The following UNC5C variants were observed in gnomAD, a reference collection of about 807,000 sequenced individuals.
The protein encoded by UNC5C is netrin receptor UNC5C.
Under a neutral mutation model 99.8 loss-of-function variants are expected in UNC5C, and 47 were observed. The ratio of observed to expected loss-of-function variants is 0.47; its 90% CI spans 0.37 to 0.60. The LOEUF (loss-of-function observed/expected upper bound fraction) is 0.60. UNC5C is among the 20% of genes least tolerant of loss of function. The probability of loss-of-function intolerance (pLI) is 0.00; values close to 1 mark genes in which losing one functional copy is unlikely to be tolerated. For missense variants in UNC5C, 1,062 were observed against 1,165.9 expected (o/e 0.91, Z 1.30); for synonymous variants, 487 against 452.2 (o/e 1.08, Z -0.98).
At chr4:95,272,757 T>C (rs756409226) in intron 4 of UNC5C, among the ~76,000 whole-genome samples, 1 of 152,226 alleles carries the variant, frequency 6.6e-6, no homozygotes, top group Non-Finnish European at 1.5e-5. Context: ...GGGTAATTAC[T>C]GGGCACTGAA....
chr4:95,503,478 T>C (rs895414371), intron 1 of UNC5C, among the ~76,000 whole-genome samples: 5 of 152,176 alleles, frequency 3.3e-5, no homozygotes, highest in Non-Finnish European at 5.9e-5. Context: ...CATTAATAAG[T>C]TGGCTTTTAT....
At chr4:95,252,033 A>C (rs1398922955) in intron 4 of UNC5C, among the ~76,000 whole-genome samples, 1 of 152,214 alleles carries the variant, frequency 6.6e-6, no homozygotes, top group East Asian at 1.9e-4. Context: ...TATTTACAAC[A>C]GTGGGTGTTT....
intron 1 of UNC5C, among the ~76,000 whole-genome samples, chr4:95,455,208 A>ACC (rs1361883432): frequency 1.3e-5 from 2 of 152,102 alleles, no homozygotes; most frequent in African/African-American, 4.8e-5. Context: ...TATCTTTCAA[A>ACC]CATTGTAGAA....
At chr4:95,379,661 T>TTCTTTCACTG (rs1745004081) in intron 1 of UNC5C, among the ~76,000 whole-genome samples, 1 of 152,216 alleles carries the variant, frequency 6.6e-6, no homozygotes, top group Non-Finnish European at 1.5e-5. Flanking sequence ...TCAAATGGGC[T>TTCTTTCACTG]ATTATTTTCA....
intron 1 of UNC5C, among the ~76,000 whole-genome samples, chr4:95,454,078 T>C (rs1359175423): frequency 6.6e-6 from 1 of 152,080 alleles, no homozygotes; most frequent in African/African-American, 2.4e-5. Context: ...CAAAACTAGA[T>C]GGGGTGGTAG....
intron 2 of UNC5C, among the ~76,000 whole-genome samples, chr4:95,321,886 C>A (rs1036899731): frequency 6.6e-6 from 1 of 152,150 alleles, no homozygotes; most frequent in African/African-American, 2.4e-5. Context: ...TATCAATTTT[C>A]TATTTTTATT....
At chr4:95,311,528 T>C (rs1052653975) in intron 2 of UNC5C, among the ~76,000 whole-genome samples, 3 of 152,182 alleles carry the variant, frequency 2.0e-5, no homozygotes, top group Non-Finnish European at 1.5e-5. Context: ...CAGGCATTCA[T>C]GAGTAGTTTT....
chr4:95,516,702 G>A (rs1056762325), intron 1 of UNC5C, among the ~76,000 whole-genome samples: 4 of 152,092 alleles, frequency 2.6e-5, no homozygotes, highest in Non-Finnish European at 5.9e-5. Flanking sequence ...CATGGCTCTT[G>A]TAATCAAAGT....
chr4:95,218,402 C>G (rs887173447), intron 9 of UNC5C, among the ~76,000 whole-genome samples: 1 of 152,086 alleles, frequency 6.6e-6, no homozygotes, highest in Non-Finnish European at 1.5e-5. Context: ...CAAAAGCACA[C>G]CTGATGAATC....
At chr4:95,328,552 A>G (rs1429626659) in intron 2 of UNC5C, among the ~76,000 whole-genome samples, 2 of 142,148 alleles carry the variant, frequency 1.4e-5, no homozygotes, top group Non-Finnish European at 3.1e-5. Context: ...TTATAGCAGC[A>G]TGATTTATAG....
At chr4:95,471,852 C>A (rs78116594) in intron 1 of UNC5C, among the ~76,000 whole-genome samples, 2 of 151,322 alleles carry the variant, frequency 1.3e-5, no homozygotes, top group South Asian at 2.1e-4. Flanking sequence ...AGTCTGATTT[C>A]TTTTCTCTTT....
intron 1 of UNC5C, among the ~76,000 whole-genome samples, chr4:95,360,518 T>A (rs1346243534): frequency 2.6e-5 from 4 of 152,154 alleles, no homozygotes; most frequent in Admixed American, 2.6e-4. Flanking sequence ...AGGGAAAGGA[T>A]TCCAAGTTAA....
At chr4:95,196,562 A>C (rs990464882) in intron 12 of UNC5C, among the ~76,000 whole-genome samples, 11 of 151,364 alleles carry the variant, frequency 7.3e-5, no homozygotes, top group Non-Finnish European at 1.5e-4. Flanking sequence ...CACAGCTTTT[A>C]AGTTTCAGGT....
At chr4:95,219,884 T>G in intron 8 of UNC5C, 101 bp downstream of exon 8, 6 of 1,291,746 alleles carry the variant, frequency 4.6e-6, no homozygotes, top group Non-Finnish European at 6.4e-6. Context: ...GCTGTCTTCA[T>G]GGAGCTTACA....
At chr4:95,340,757 G>A (rs2149423622) in intron 1 of UNC5C, among the ~76,000 whole-genome samples, 1 of 152,000 alleles carries the variant, frequency 6.6e-6, no homozygotes. Flanking sequence ...ACTTAACTCT[G>A]AAAAGGGGGC....
chr4:95,257,434 C>A (rs2149384998), intron 4 of UNC5C, among the ~76,000 whole-genome samples: 1 of 151,430 alleles, frequency 6.6e-6, no homozygotes, highest in Non-Finnish European at 1.5e-5. Context: ...AAAAAAGTGG[C>A]ATAGGGATAG....
At chr4:95,284,495 G>T (rs899331575) in intron 3 of UNC5C, among the ~76,000 whole-genome samples, 1 of 152,068 alleles carries the variant, frequency 6.6e-6, no homozygotes, top group African/African-American at 2.4e-5. Flanking sequence ...ACGCATCTTT[G>T]AAGACAACAG....
intron 1 of UNC5C, among the ~76,000 whole-genome samples, chr4:95,398,776 C>T (rs925365471): frequency 2.0e-5 from 3 of 152,194 alleles, no homozygotes; most frequent in East Asian, 1.9e-4. Flanking sequence ...ATGGTTTTTG[C>T]TATTTTGCTT....
chr4:95,472,101 G>A (rs191499920), intron 1 of UNC5C, among the ~76,000 whole-genome samples: 190 of 152,198 alleles, frequency 1.2e-3, no homozygotes, highest in African/African-American at 4.4e-3. Flanking sequence ...AATACCCAGT[G>A]AAGAAATATC....
Sources: allele counts gnomAD v4.1 joint callset (sites outside exome capture counted in the v4.1 genomes callset), GRCh38; gene constraint gnomAD v4.1.1; transcripts MANE v1.5; gene names NCBI Gene and HGNC (gene_info 2026-07-23, HGNC 2026-07-21).